FARP1: variants seen among roughly 807,000 people sequenced by gnomAD.
FARP1 encodes FERM, ARH/RhoGEF and pleckstrin domain protein 1.
FARP1 carries 52 observed loss-of-function variants against 128.8 expected under a neutral mutation model. The ratio of observed to expected loss-of-function variants is 0.40; its 90% CI spans 0.32 to 0.51. The LOEUF (loss-of-function observed/expected upper bound fraction) is 0.51. FARP1 is among the 20% of genes least tolerant of loss of function. The pLI is 0.45. For synonymous variants in FARP1, 580 were observed against 551.8 expected, an observed-to-expected ratio of 1.05 and a Z score of -0.72; for missense variants, 1,333 against 1,367.9, an observed-to-expected ratio of 0.97 and a Z score of 0.40.
At chr13:98,294,044 G>A (rs1419214243) in intron 2 of FARP1, among the ~76,000 whole-genome samples, 1 of 152,140 alleles carries the variant, frequency 6.6e-6, no homozygotes, top group Non-Finnish European at 1.5e-5. Flanking sequence ...AATGGTCTGT[G>A]GACTTGAGCT....
intron 13 of FARP1, chr13:98,395,987 C>A (rs1594486351): frequency 7.5e-6 from 3 of 399,052 alleles, no homozygotes. Flanking sequence ...GACACTCTCC[C>A]GGACCAGGGT....
chr13:98,418,607 G>A (rs1415652797), intron 16 of FARP1, among the ~76,000 whole-genome samples: 1 of 152,164 alleles, frequency 6.6e-6, no homozygotes, highest in Non-Finnish European at 1.5e-5. Flanking sequence ...CTTTGAGCTA[G>A]TTTTTCTTGG....
At chr13:98,155,542 G>T (rs1202664271) in intron 1 of FARP1, among the ~76,000 whole-genome samples, 1 of 151,904 alleles carries the variant, frequency 6.6e-6, no homozygotes, top group Non-Finnish European at 1.5e-5. Flanking sequence ...TTATTTTTGA[G>T]ACAGGGTCTC....
chr13:98,379,902 C>G (rs188933201), intron 6 of FARP1, among the ~76,000 whole-genome samples: 3 of 152,252 alleles, frequency 2.0e-5, no homozygotes, highest in Non-Finnish European at 4.4e-5. Flanking sequence ...CAGCTGTATA[C>G]CCAGTACATG....
chr13:98,262,798 A>T (rs1440199127), intron 2 of FARP1, among the ~76,000 whole-genome samples: 1 of 152,134 alleles, frequency 6.6e-6, no homozygotes, highest in Non-Finnish European at 1.5e-5. Context: ...GTCAGACCCG[A>T]AGTTAACTTA....
intron 2 of FARP1, among the ~76,000 whole-genome samples, chr13:98,300,353 C>G (rs550484595): frequency 6.6e-6 from 1 of 152,318 alleles, no homozygotes; most frequent in Admixed American, 6.5e-5. Context: ...CCCCGTGTCT[C>G]TCTCAGCCTT....
chr13:98,307,849 T>C (rs1280565426), intron 2 of FARP1, among the ~76,000 whole-genome samples: 1 of 151,990 alleles, frequency 6.6e-6, no homozygotes, highest in Non-Finnish European at 1.5e-5. Context: ...GTTACTCTTT[T>C]GGAAAAAAAA....
intron 1 of FARP1, among the ~76,000 whole-genome samples, chr13:98,153,388 AAAT>A (rs1447569928): frequency 8.4e-6 from 1 of 119,266 alleles, no homozygotes; most frequent in Admixed American, 1.1e-4. Flanking sequence ...AATATATAAT[AAAT>A]AATACATTAT....
chr13:98,427,891 G>A (rs1218191010), intron 17 of FARP1, among the ~76,000 whole-genome samples: 1 of 152,180 alleles, frequency 6.6e-6, no homozygotes, highest in Non-Finnish European at 1.5e-5. Flanking sequence ...GCCTTTTTGA[G>A]AAGTTAGTTG....
At chr13:98,282,767 G>T (rs1002288456) in intron 2 of FARP1, among the ~76,000 whole-genome samples, 1 of 152,068 alleles carries the variant, frequency 6.6e-6, no homozygotes, top group African/African-American at 2.4e-5. Flanking sequence ...GCTGGTGTGC[G>T]GCACGTGCCT....
chr13:98,435,604 G>A lies in FARP1; in HGVS notation c.2172G>A (p.Val724=). 6.2e-7 allele frequency: 1 copy of A among 1,613,670 alleles called. No homozygotes were observed. Among genetic ancestry groups the A allele is most frequent in the Non-Finnish European group, 8.5e-7 (1 of 1,179,732 alleles). The change falls in exon 19 of 27, where the codon GTG becomes GTA. Residue 724 remains valine (V), a synonymous_variant. Transcript: ENST00000319562. ...RAALAEITEM[V]AQLHGTMIKM... is the part of the protein sequence containing the mutation. ...CTTTGGCAGAGATCACGGAGATGGT[G>A]GCACAGCTCCACGGTACGATGATCA...
At position 98,453,274 on chromosome 13, in the gene FARP1, A is replaced by T; in HGVS notation, c.*4957A>T. On this transcript the variant is annotated 3_prime_UTR_variant, in exon 27 of 27. Transcript: ENST00000319562. ...TTCTCATCCCTGTGCAAAAATTCAT[A>T]TAGTAACCAAAATCTTAGTTTTCAT... is the stretch of plus-strand genomic sequence containing the variant. 6.6e-7 allele frequency: 1 copy of T among 1,512,804 alleles called. No homozygotes were observed. Among genetic ancestry groups the T allele is most frequent in the Non-Finnish European group, 9.0e-7 (1 of 1,112,500 alleles). The allele number at this position is 1,512,804 out of a possible 1,614,324, so 93.7% of individuals were successfully genotyped here.
intron 2 of FARP1, among the ~76,000 whole-genome samples, chr13:98,286,515 T>G (rs1331972234): frequency 6.6e-6 from 1 of 152,216 alleles, no homozygotes; most frequent in Non-Finnish European, 1.5e-5. Context: ...CTGCTTTTGC[T>G]TCTCTCTCTT....
At chr13:98,381,920 A>C (rs2140027518) in intron 6 of FARP1, among the ~76,000 whole-genome samples, 1 of 152,314 alleles carries the variant, frequency 6.6e-6, no homozygotes, top group Admixed American at 6.5e-5. Flanking sequence ...TGGGAGACCC[A>C]GGCAGGAGGA....
Position 98,409,533 on chromosome 13 carries a change from G to C in FARP1, c.1602+8G>C. ...GATGAGGGCCGGAGGAAGGTACAGGGCCGAGGGCTCAAGCGCGTGTGTGGC... is the reference window on the plus strand; with the variant it reads ...GATGAGGGCCGGAGGAAGGTACAGGCCCGAGGGCTCAAGCGCGTGTGTGGC... On this transcript the variant is annotated splice_region_variant and intron_variant, in intron 14 of 26. Transcript: ENST00000319562. 6.3e-7 allele frequency: 1 copy of C among 1,595,338 alleles called. No individual in the cohort carries two copies. Among genetic ancestry groups the C allele is most frequent in the Non-Finnish European group, 8.6e-7 (1 of 1,167,764 alleles).
At position 98,145,090 on chromosome 13, in the gene FARP1, C is replaced by T. The variant is rs149778422; in HGVS notation, c.-24+1598C>T. On this transcript the variant is annotated intron_variant, in intron 1 of 26. Coordinates refer to ENST00000319562, the MANE Select transcript of FARP1 (RefSeq NM_005766.4). ...TGCTTCTGGGTAAAATAAATAGAAGCATTATTGGGCAATGGCTGCTTTACT... is the reference window on the plus strand; with the variant it reads ...TGCTTCTGGGTAAAATAAATAGAAGTATTATTGGGCAATGGCTGCTTTACT... Among the ~76,000 whole-genome samples, 28 of 152,276 alleles carry T rather than the reference C, an allele frequency of 1.8e-4. No individual in the cohort carries two copies. In the East Asian group the frequency reaches 4.8e-3, roughly 26 times the overall value.
intron 1 of FARP1, among the ~76,000 whole-genome samples, chr13:98,168,171 C>CAA (rs61061654): frequency 1.0e-4 from 14 of 140,354 alleles, no homozygotes; most frequent in African/African-American, 3.7e-4. Flanking sequence ...GACTCCATCT[C>CAA]AAAAAAAAAA....
intron 26 of FARP1, chr13:98,447,449 C>T (rs1458907928): frequency 6.6e-6 from 1 of 152,434 alleles, no homozygotes; most frequent in African/African-American, 2.4e-5. Context: ...TGGGATTTTG[C>T]TATTATTGTG....
intron 1 of FARP1, among the ~76,000 whole-genome samples, chr13:98,192,414 G>A (rs896829729): frequency 1.3e-5 from 2 of 151,854 alleles, no homozygotes; most frequent in Admixed American, 1.3e-4. Context: ...TTCTGAGATG[G>A]AGTCTTGCTC....
Sources: gnomAD v4.1 joint callset for allele counts (sites outside exome capture counted in the v4.1 genomes callset) on GRCh38, gnomAD v4.1.1 for gene constraint, MANE v1.5 for transcripts, NCBI Gene and HGNC (gene_info 2026-07-23, HGNC 2026-07-21) for gene names.